PPP2R2B: variants seen among roughly 807,000 people sequenced by gnomAD.
PPP2R2B encodes protein phosphatase 2 regulatory subunit Bbeta.
PPP2R2B carries 5 observed loss-of-function variants against 46.0 expected under a neutral mutation model. The ratio of observed to expected loss-of-function variants is 0.11; its 90% confidence interval spans 0.06 to 0.23. PPP2R2B has a LOEUF of 0.23. PPP2R2B is among the 10% of genes least tolerant of loss of function. The pLI is 1.00. For synonymous variants in PPP2R2B, 215 were observed against 206.7 expected (o/e 1.04, Z -0.34); for missense variants, 367 against 575.0 (o/e 0.64, Z 3.70).
chr5:146,970,683 T>G, intron 1 of PPP2R2B, among the ~76,000 whole-genome samples: 1 of 152,122 alleles, frequency 6.6e-6, no homozygotes, highest in East Asian at 1.9e-4. Context: ...GAAGAGGAAT[T>G]TACAAAGGAG....
intron 2 of PPP2R2B, among the ~76,000 whole-genome samples, chr5:146,748,658 T>TC (rs1346534202): frequency 6.6e-6 from 1 of 152,236 alleles, no homozygotes. Flanking sequence ...GGCTTTTTTT[T>TC]CCCTCAATAT....
chr5:146,842,676 G>T (rs911342402), intron 2 of PPP2R2B, among the ~76,000 whole-genome samples: 1 of 151,924 alleles, frequency 6.6e-6, no homozygotes, highest in Non-Finnish European at 1.5e-5. Context: ...AGTGTGTGTT[G>T]TTCCTCTCTA....
chr5:147,010,061 C>T (rs1482324056), intron 1 of PPP2R2B, among the ~76,000 whole-genome samples: 1 of 152,106 alleles, frequency 6.6e-6, no homozygotes, highest in African/African-American at 2.4e-5. Flanking sequence ...TAAATACACA[C>T]TTTACAAGGG....
At chr5:146,682,138 G>C (rs1420763078) in intron 5 of PPP2R2B, among the ~76,000 whole-genome samples, 1 of 152,184 alleles carries the variant, frequency 6.6e-6, no homozygotes, top group Non-Finnish European at 1.5e-5. Flanking sequence ...TTACTACATG[G>C]TAAGTGCAGC....
At chr5:146,942,235 A>G (rs1764345844) in intron 1 of PPP2R2B, among the ~76,000 whole-genome samples, 1 of 152,210 alleles carries the variant, frequency 6.6e-6, no homozygotes, top group Non-Finnish European at 1.5e-5. Flanking sequence ...TAACAGCTAA[A>G]TTGTTGCCTG....
At chr5:146,975,944 G>T (rs1752879631) in intron 1 of PPP2R2B, among the ~76,000 whole-genome samples, 1 of 151,704 alleles carries the variant, frequency 6.6e-6, no homozygotes, top group Admixed American at 6.6e-5. Flanking sequence ...TCACTGTATT[G>T]TGTCCTGTGA....
At position 146,674,298 on chromosome 5, in the gene PPP2R2B, G is replaced by A. The variant is rs187946637; in HGVS notation, c.447+16830C>T. ...AGGCTCAGAGTCATACAAAGACAGAGCTAGGATATGAACCTGGAGTTGTCA... is the reference window on the plus strand; with the variant it reads ...AGGCTCAGAGTCATACAAAGACAGAACTAGGATATGAACCTGGAGTTGTCA... On this transcript the variant is annotated intron_variant, in intron 5 of 9. Transcript: ENST00000394411. 1.7e-4 allele frequency among the ~76,000 whole-genome samples: 26 copies of A among 152,178 alleles called. 1 individual carries two copies. Among genetic ancestry groups the A allele is most frequent in the Admixed American group, 1.6e-3 (25 of 15,274 alleles).
Position 146,768,045 on chromosome 5 carries a change from G to T in PPP2R2B, c.71-66903C>A, listed in dbSNP as rs561665158. On this transcript the variant is annotated intron_variant, in intron 2 of 9. Coordinates refer to ENST00000394411, the MANE Select transcript of PPP2R2B (RefSeq NM_181675.4). ...CACAATAAGCATTGTCATTTGAAAG[G>T]ATCTGAAAACTCTAGCAGTTAACAA... Among the ~76,000 whole-genome samples the T allele has an allele frequency of 2.0e-5, 3 of 151,900 alleles. No individual in the cohort carries two copies. The South Asian group carries it at 6.3e-4, about 32-fold the overall frequency.
Position 146,641,606 on chromosome 5 carries a change from A to G in PPP2R2B, c.626-3191T>C, listed in dbSNP as rs74679926. ...TGCTGGAGGATTTGGTGAGTTCTAGAAACATTTGAGAGAAGTCTAGTTGCT... is the reference window on the plus strand; with the variant it reads ...TGCTGGAGGATTTGGTGAGTTCTAGGAACATTTGAGAGAAGTCTAGTTGCT... On this transcript the variant is annotated intron_variant, in intron 6 of 9. Coordinates refer to ENST00000394411, the MANE Select transcript of PPP2R2B (RefSeq NM_181675.4). Among the ~76,000 whole-genome samples the G allele has an allele frequency of 9.5e-3, 1,443 of 151,414 alleles. 22 individuals carry two copies. The highest frequency in any genetic ancestry group is 0.033 in the African/African-American group (1,364 of 41,046).
At chr5:147,035,096 G>T (rs985095313) in intron 1 of PPP2R2B, 11 of 455,448 alleles carry the variant, frequency 2.4e-5, no homozygotes, top group Non-Finnish European at 4.4e-5. Flanking sequence ...GCATTAGTTC[G>T]TTCTCACACA....
intron 2 of PPP2R2B, among the ~76,000 whole-genome samples, chr5:146,858,363 A>C (rs75565236): frequency 1.2e-3 from 189 of 152,244 alleles, no homozygotes; most frequent in Non-Finnish European, 2.5e-3. Flanking sequence ...CCAACTACTC[A>C]CTGAATGTTT....
intron 2 of PPP2R2B, among the ~76,000 whole-genome samples, chr5:146,736,060 G>A (rs1399826825): frequency 1.3e-5 from 2 of 152,118 alleles, no homozygotes; most frequent in African/African-American, 4.8e-5. Flanking sequence ...AATCATGGGA[G>A]CAGTTTCCCC....
chr5:146,881,273 G>C (rs319208), upstream of PPP2R2B, among the ~76,000 whole-genome samples: 5,942 of 152,128 alleles, frequency 0.039, 398 homozygotes, highest in African/African-American at 0.13. Flanking sequence ...CTGACCACAC[G>C]ATAGTCCTGA....
At chr5:146,599,596 G>T (rs1248376754) in intron 8 of PPP2R2B, among the ~76,000 whole-genome samples, 1 of 152,154 alleles carries the variant, frequency 6.6e-6, no homozygotes, top group East Asian at 1.9e-4. Context: ...TATTCAAGGT[G>T]TAAGCACCCT....
chr5:146,884,189 T>C (rs1227962441), intron 1 of PPP2R2B, among the ~76,000 whole-genome samples: 1 of 151,100 alleles, frequency 6.6e-6, no homozygotes, highest in Non-Finnish European at 1.5e-5. Context: ...CCCTCATCTC[T>C]GTTATCGGTG....
intron 8 of PPP2R2B, among the ~76,000 whole-genome samples, chr5:146,595,222 C>T (rs1771055301): frequency 6.6e-6 from 1 of 152,174 alleles, no homozygotes; most frequent in South Asian, 2.1e-4. Flanking sequence ...TTGGGGGCTG[C>T]AAGGGTGAGG....
intron 7 of PPP2R2B, among the ~76,000 whole-genome samples, chr5:146,626,284 G>C (rs139277487): frequency 3.9e-5 from 6 of 152,088 alleles, no homozygotes; most frequent in Non-Finnish European, 7.4e-5. Flanking sequence ...GGGGAAAAAC[G>C]GGCTGTTGGA....
At chr5:146,930,446 A>G (rs1180834615) in intron 1 of PPP2R2B, among the ~76,000 whole-genome samples, 1 of 152,188 alleles carries the variant, frequency 6.6e-6, no homozygotes, top group African/African-American at 2.4e-5. Context: ...TTCAATTTAT[A>G]ATTCTTTCTT....
intron 2 of PPP2R2B, among the ~76,000 whole-genome samples, chr5:146,800,772 T>C (rs769583650): frequency 6.6e-6 from 1 of 151,974 alleles, no homozygotes; most frequent in Non-Finnish European, 1.5e-5. Flanking sequence ...ATAGGGGGGC[T>C]CTCCAAGGAA....
Sources: gnomAD v4.1 joint callset for allele counts (sites outside exome capture counted in the v4.1 genomes callset) on GRCh38, gnomAD v4.1.1 for gene constraint, MANE v1.5 for transcripts, NCBI Gene and HGNC (gene_info 2026-07-23, HGNC 2026-07-21) for gene names.